PCDHGA5: variants seen among roughly 807,000 people sequenced by gnomAD.
PCDHGA5 encodes protocadherin gamma subfamily A, 5.
Under a neutral mutation model 56.7 loss-of-function variants are expected in PCDHGA5, and 36 were observed. That is an observed-to-expected ratio of 0.64 (90% CI 0.49 to 0.84). The LOEUF is 0.84. PCDHGA5 is among the 40% of genes least tolerant of loss of function. The pLI is 0.00. For synonymous variants in PCDHGA5, 563 were observed against 520.2 expected (o/e 1.08, Z -1.12); for missense variants, 1,305 against 1,201.5 (o/e 1.09, Z -1.27).
intron 1 of PCDHGA5, chr5:141,421,399 C>T (rs777999539): frequency 1.2e-6 from 2 of 1,613,928 alleles, no homozygotes; most frequent in East Asian, 2.2e-5. Flanking sequence ...GCTGGAGCCC[C>T]GGGAGCTGGC....
At position 141,498,794 on chromosome 5, in the gene PCDHGA5, G is replaced by A. The variant is rs184257963; in HGVS notation, c.2480+3929G>A. ...TAAAAATACAAAATATTAGCCAGGT[G>A]TGGTGGTGCACACCTGTAGTCCCAG... On this transcript the variant is annotated intron_variant, in intron 2 of 3. Transcript: ENST00000518069. Among the ~76,000 whole-genome samples the A allele has an allele frequency of 7.9e-5, 12 of 152,224 alleles. No individual in the cohort carries two copies. The East Asian group carries it at 2.3e-3, about 30-fold the overall frequency.
Position 141,366,497 on chromosome 5 carries a change from C to T in PCDHGA5, c.2167C>T (p.Arg723Cys), listed in dbSNP as rs776618534. Residue 723 changes from arginine to cysteine, a missense_variant, in exon 1 of 4, where the codon CGC (arginine) becomes TGC (cysteine). Physicochemically the swap from Arg to Cys is radical, Grantham distance 180 (BLOSUM62 -3). Transcript: ENST00000518069. The part of the protein sequence containing the change: ...VLRLRRWHKS[R>C]LLQAEGSRLA... ...CAGACTGAGGCGCTGGCACAAGTCA[C>T]GCCTGCTTCAGGCTGAAGGCAGCAG... 5.0e-6 allele frequency: 8 copies of T among 1,614,136 alleles called. No individual in the cohort carries two copies. In the African/African-American group the frequency reaches 8.0e-5, roughly 16 times the overall value.
chr5:141,413,880 T>G, intron 1 of PCDHGA5: 1 of 1,613,420 alleles, frequency 6.2e-7, no homozygotes, highest in Non-Finnish European at 8.5e-7. Flanking sequence ...TCAGTGTGAC[T>G]GTCTTCGATG....
rs200045647 is a variant in PCDHGA5, at chr5:141,490,150, G to A, written c.2422-4657G>A. 50 of 1,614,246 alleles carry A rather than the reference G, an allele frequency of 3.1e-5. No individual in the cohort carries two copies. The Admixed American group carries it at 7.7e-4, about 25-fold the overall frequency. On this transcript the variant is annotated intron_variant, in intron 1 of 3. Transcript: ENST00000518069. The surrounding 1 kb of genome is among the most constrained non-coding windows in gnomAD (Gnocchi z 5.4). ...AGACCCTAGCAGTGGGGCAATCCAT[G>A]TGTTGGGTCCCATAGACTTTGAGGA...
In PCDHGA5 at chr5:141,477,380, G is replaced by C; in HGVS notation, c.2422-17427G>C. The C allele has an allele frequency of 6.2e-7, 1 of 1,614,116 alleles. No homozygotes were observed. The highest frequency in any genetic ancestry group is 8.5e-7 in the Non-Finnish European group (1 of 1,180,028). On this transcript the variant is annotated intron_variant, in intron 1 of 3. Transcript: ENST00000518069. The surrounding 1 kb of genome is among the most constrained non-coding windows in gnomAD (Gnocchi z 4.9). ...AGACCTGGATCGGGAGACTGTGCCA[G>C]AATACAACCTCAGCATCACCGCCCG...
chr5:141,403,210 C>G (rs369033480), intron 1 of PCDHGA5: 1 of 1,613,946 alleles, frequency 6.2e-7, no homozygotes, highest in Admixed American at 1.7e-5. Flanking sequence ...CCTTGGTCAC[C>G]GCGGGTAGGA....
intron 1 of PCDHGA5, chr5:141,367,871 A>G (rs2149916351): frequency 6.6e-6 from 1 of 152,278 alleles, no homozygotes; most frequent in South Asian, 2.1e-4. Flanking sequence ...GTGTAGGTGC[A>G]ATTCTTCTTT....
At chr5:141,388,781 T>C (rs770000046) in intron 1 of PCDHGA5, 3 of 1,613,832 alleles carry the variant, frequency 1.9e-6, no homozygotes, top group Non-Finnish European at 2.5e-6. Flanking sequence ...CCGGGGAAAT[T>C]ACTGTTTTAA....
Position 141,415,114 on chromosome 5 carries a change from G to A in PCDHGA5, c.2421+48363G>A, listed in dbSNP as rs186848544. On this transcript the variant is annotated intron_variant, in intron 1 of 3. Transcript: ENST00000518069. Reference sequence around the variant, plus strand: ...CAGAGACGCGCTCAAGCAAAGCCTCGTAGTGGCCGTCCAGGACCACGGCCA... The same window carrying A: ...CAGAGACGCGCTCAAGCAAAGCCTCATAGTGGCCGTCCAGGACCACGGCCA... 1.7e-5 allele frequency: 28 copies of A among 1,613,646 alleles called. No homozygotes were observed. In the African/African-American group the frequency reaches 2.7e-4, roughly 15 times the overall value.
At chr5:141,428,091 T>C (rs769710543) in intron 1 of PCDHGA5, 2 of 1,609,000 alleles carry the variant, frequency 1.2e-6, no homozygotes, top group East Asian at 2.2e-5. Flanking sequence ...CGCTTGGCTG[T>C]CCTACCACGT....
At chr5:141,377,627 T>A (rs893549240) in intron 1 of PCDHGA5, 5 of 152,084 alleles carry the variant, frequency 3.3e-5, no homozygotes, top group African/African-American at 9.7e-5. Context: ...AAGATTTTGT[T>A]TTTTCTCAGT....
chr5:141,379,154 T>A (rs1446393150), intron 1 of PCDHGA5: 4 of 152,232 alleles, frequency 2.6e-5, no homozygotes, highest in Non-Finnish European at 5.9e-5. Context: ...GTAACCTGAC[T>A]TTGTCAGTCT....
chr5:141,497,084 G>A (rs1417389801), intron 2 of PCDHGA5, among the ~76,000 whole-genome samples: 1 of 152,098 alleles, frequency 6.6e-6, no homozygotes, highest in East Asian at 1.9e-4. Context: ...AGCGACTTAG[G>A]AGGCTGAGGC....
intron 1 of PCDHGA5, chr5:141,478,134 C>A (rs2099431418): frequency 6.2e-7 from 1 of 1,614,074 alleles, no homozygotes; most frequent in African/African-American, 1.3e-5. Flanking sequence ...TCTCCTGAAG[C>A]CCGAGCCGAG....
chr5:141,506,435 G>A (rs1470687416), intron 3 of PCDHGA5, among the ~76,000 whole-genome samples: 7 of 126,234 alleles, frequency 5.5e-5, no homozygotes, highest in African/African-American at 2.0e-4. Context: ...CAACAGTCTC[G>A]CTCTGTCTCA....
At chr5:141,404,289 A>T in intron 1 of PCDHGA5, 1 of 1,614,006 alleles carries the variant, frequency 6.2e-7, no homozygotes. Context: ...ACTGACATCA[A>T]TGATAATCCA....
chr5:141,507,075 C>T (rs1006779614), intron 3 of PCDHGA5: 25 of 152,176 alleles, frequency 1.6e-4, no homozygotes, highest in Admixed American at 1.1e-3. Context: ...CCTGGCTCAA[C>T]TCCTAAGTTT....
intron 1 of PCDHGA5, among the ~76,000 whole-genome samples, chr5:141,484,322 T>C (rs2099594801): frequency 6.6e-6 from 1 of 152,214 alleles, no homozygotes; most frequent in Non-Finnish European, 1.5e-5. Flanking sequence ...TTCCATACTG[T>C]CCTTGAAATC....
chr5:141,459,886 G>A (rs932435611), intron 1 of PCDHGA5, among the ~76,000 whole-genome samples: 2 of 152,080 alleles, frequency 1.3e-5, no homozygotes, highest in Non-Finnish European at 2.9e-5. Context: ...TGAGCTGAAC[G>A]CCTTCTTAAA....
Sources: gnomAD v4.1 joint callset for allele counts (sites outside exome capture counted in the v4.1 genomes callset) on GRCh38, gnomAD v4.1.1 for gene constraint, Gnocchi (gnomAD v3.1) non-coding constraint, MANE v1.5 for transcripts, NCBI Gene and HGNC (gene_info 2026-07-23, HGNC 2026-07-21) for gene names.